The following LIN9 variants were observed in gnomAD, a reference collection of about 807,000 sequenced individuals.
LIN9 encodes the protein lin-9 DREAM MuvB core complex component.
In LIN9, 18 loss-of-function variants were observed where a neutral mutation model predicts 78.0. The observed-to-expected ratio is 0.23, with a 90% CI of 0.16 to 0.34. The LOEUF is 0.34. LIN9 is among the 10% of genes least tolerant of loss of function. LIN9 has a pLI of 1.00. For synonymous variants in LIN9, 192 were observed against 215.2 expected, an observed-to-expected ratio of 0.89 and a Z score of 0.94; for missense variants, 451 against 644.1, an observed-to-expected ratio of 0.70 and a Z score of 3.25.
At chr1:226,267,230 GATAT>G (rs4012808) in intron 8 of LIN9, among the ~76,000 whole-genome samples, 35,464 of 137,582 alleles carry the variant, frequency 0.26, 4,534 homozygotes, top group South Asian at 0.34. Flanking sequence ...GCACTAAGGA[GATAT>G]ATATATATAT....
rs1318179483 is a variant in LIN9 at position 226,286,316 on chromosome 1, A to G, written c.524+17T>C. 14 of 1,600,662 alleles carry G rather than the reference A, an allele frequency of 8.7e-6. No individual in the cohort carries two copies. The highest frequency in any genetic ancestry group is 1.8e-5 in the Admixed American group (1 of 55,818). ...GCTTGATTTTATTTTAAACAAAAAC[A>G]AAAACATTATTTTTACCTCCGTGGT... is the stretch of plus-strand genomic sequence containing the variant. On this transcript the variant is annotated intron_variant, in intron 6 of 14. Transcript: ENST00000681046.
At chr1:226,266,894 C>T (rs763643081) in intron 8 of LIN9, among the ~76,000 whole-genome samples, 2 of 151,890 alleles carry the variant, frequency 1.3e-5, no homozygotes, top group Non-Finnish European at 2.9e-5. Context: ...ATTCTCCTGC[C>T]TCAGCCTCCC....
chr1:226,251,352 C>T (rs770510820), intron 10 of LIN9, among the ~76,000 whole-genome samples: 6 of 152,148 alleles, frequency 3.9e-5, no homozygotes, highest in Non-Finnish European at 8.8e-5. Context: ...CTCAGCCTCC[C>T]GAGTAGCTGG....
chr1:226,258,835 G>A (rs1178362698), intron 10 of LIN9, among the ~76,000 whole-genome samples: 1 of 132,672 alleles, frequency 7.5e-6, no homozygotes, highest in Non-Finnish European at 1.5e-5. Flanking sequence ...AGCTTGCAGT[G>A]AGCCGAGATC....
chr1:226,256,645 G>A (rs1278002611), intron 10 of LIN9, among the ~76,000 whole-genome samples: 1 of 150,856 alleles, frequency 6.6e-6, no homozygotes, highest in Admixed American at 6.6e-5. Flanking sequence ...TGCAAGCTCC[G>A]CCTCCTGGGT....
intron 11 of LIN9, among the ~76,000 whole-genome samples, chr1:226,242,165 T>C (rs1658157057): frequency 6.6e-6 from 1 of 152,230 alleles, no homozygotes; most frequent in South Asian, 2.1e-4. Context: ...GGACTTGTAC[T>C]GGTAGTTATC....
intron 7 of LIN9, among the ~76,000 whole-genome samples, chr1:226,272,056 T>TC (rs1356693909): frequency 6.6e-6 from 1 of 151,354 alleles, no homozygotes; most frequent in East Asian, 1.9e-4. Flanking sequence ...CTTAACTTTT[T>TC]TTTTTTTTTT....
At chr1:226,249,105 G>A (rs1658666316) in intron 11 of LIN9, among the ~76,000 whole-genome samples, 1 of 152,148 alleles carries the variant, frequency 6.6e-6, no homozygotes, top group Non-Finnish European at 1.5e-5. Context: ...GAAGAAAACA[G>A]TCCTAACTAG....
At chr1:226,289,658 A>G (rs897469430) in intron 4 of LIN9, among the ~76,000 whole-genome samples, 1 of 152,118 alleles carries the variant, frequency 6.6e-6, no homozygotes, top group African/African-American at 2.4e-5. Flanking sequence ...TGCCATGCCC[A>G]GCCAAAATAA....
At chr1:226,266,417 T>A in intron 8 of LIN9, 85 bp from the exon 9 acceptor site, 1 of 1,117,588 alleles carries the variant, frequency 8.9e-7, no homozygotes, top group Non-Finnish European at 1.2e-6. Flanking sequence ...GCTTGAGATA[T>A]ATATTCACGC....
intron 4 of LIN9, among the ~76,000 whole-genome samples, chr1:226,289,700 A>T (rs1391678630): frequency 6.6e-6 from 1 of 151,998 alleles, no homozygotes; most frequent in Admixed American, 6.6e-5. Flanking sequence ...GATATGCTAG[A>T]TGTAGAGATA....
Position 226,265,179 on chromosome 1 carries a change from T to C in LIN9, c.1038+354A>G, listed in dbSNP as rs575269819. The stretch of plus-strand genomic sequence containing the variant: ...TAAGCTAGCCAGGACATCATAACTG[T>C]TGAACTGACTGATGATGGCAGAATA... On this transcript the variant is annotated intron_variant, in intron 10 of 14. Coordinates refer to ENST00000681046, the MANE Select transcript of LIN9 (RefSeq NM_001366245.2). This position sits in a 1 kb window ranked among gnomAD's most constrained non-coding sequence, Gnocchi z 4.1. Among the ~76,000 whole-genome samples, 1 of 152,344 alleles carries C rather than the reference T, an allele frequency of 6.6e-6. No homozygotes were observed. The highest frequency in any genetic ancestry group is 2.4e-5 in the African/African-American group (1 of 41,596).
At chr1:226,284,926 AGTTTCACCAATTGATTTT>A in intron 6 of LIN9, among the ~76,000 whole-genome samples, 1 of 152,156 alleles carries the variant, frequency 6.6e-6, no homozygotes, top group East Asian at 1.9e-4. Flanking sequence ...AAGTGGATGG[AGTTTCACCAATTGATTTT>A]TAAAATTAAG....
At chr1:226,275,649 AG>A (rs1260692705) in intron 7 of LIN9, among the ~76,000 whole-genome samples, 2 of 144,792 alleles carry the variant, frequency 1.4e-5, no homozygotes, top group African/African-American at 5.1e-5. Context: ...GCCGAGACTG[AG>A]GCACTGCACT....
rs144472445 is a variant in LIN9 at position 226,288,628 on chromosome 1, A to G, written c.265-831T>C. On this transcript the variant is annotated intron_variant, in intron 4 of 14. Coordinates refer to ENST00000681046, the MANE Select transcript of LIN9 (RefSeq NM_001366245.2). ...AAAAAATCACTATATGTAAATAATA[A>G]CTGGACAGGCCATAAGAGTTTATAT... Among the ~76,000 whole-genome samples, 796 of 152,378 alleles carry G rather than the reference A, an allele frequency of 5.2e-3. 6 individuals carry two copies. Among genetic ancestry groups the G allele is most frequent in the African/African-American group, 0.018 (756 of 41,586 alleles).
In LIN9 at chr1:226,307,854, G is replaced by A. The variant is rs115877335; in HGVS notation, c.31+1255C>T. Among the ~76,000 whole-genome samples, 275 of 152,334 alleles carry A rather than the reference G, an allele frequency of 1.8e-3. 1 individual carries two copies. Among genetic ancestry groups the A allele is most frequent in the African/African-American group, 6.2e-3 (256 of 41,574 alleles). ...GCTACATATGGCTAGTAGCTTGGCTGCCCTACTGGACATCACAAAAGAGAA... is the reference window on the plus strand; with the variant it reads ...GCTACATATGGCTAGTAGCTTGGCTACCCTACTGGACATCACAAAAGAGAA... On this transcript the variant is annotated intron_variant, in intron 1 of 14. Coordinates refer to ENST00000681046, the MANE Select transcript of LIN9 (RefSeq NM_001366245.2).
chr1:226,275,094 T>C (rs1292132046), intron 7 of LIN9, among the ~76,000 whole-genome samples: 1 of 152,182 alleles, frequency 6.6e-6, no homozygotes, highest in Non-Finnish European at 1.5e-5. Context: ...ACAAAAAAAA[T>C]TACTGGCAGA....
chr1:226,286,760 C>T (rs1450108985), intron 5 of LIN9, among the ~76,000 whole-genome samples: 1 of 152,144 alleles, frequency 6.6e-6, no homozygotes, highest in Non-Finnish European at 1.5e-5. Flanking sequence ...TGAAGATAAA[C>T]CAAGTTAGCT....
chr1:226,270,133 C>T (rs1660173186), intron 7 of LIN9, among the ~76,000 whole-genome samples: 1 of 152,040 alleles, frequency 6.6e-6, no homozygotes, highest in South Asian at 2.1e-4. Flanking sequence ...CACATGCTGG[C>T]CAGGCTGGTC....
Sources: allele counts gnomAD v4.1 joint callset (sites outside exome capture counted in the v4.1 genomes callset), GRCh38; gene constraint gnomAD v4.1.1; non-coding constraint Gnocchi (gnomAD v3.1); transcripts MANE v1.5; gene names NCBI Gene and HGNC (gene_info 2026-07-23, HGNC 2026-07-21).